PCDHA6: variants seen among roughly 807,000 people sequenced by gnomAD.
The protein encoded by PCDHA6 is protocadherin alpha-6.
A neutral mutation model predicts 60.3 loss-of-function variants in PCDHA6; 55 were observed. The ratio of observed to expected loss-of-function variants is 0.91; its 90% confidence interval spans 0.73 to 1.14. The LOEUF is 1.14. Ranked by LOEUF, PCDHA6 falls within the 50% of genes most tolerant of loss-of-function variation. The pLI is 0.00. For missense variants in PCDHA6, 1,327 were observed against 1,256.5 expected (o/e 1.06, Z -0.85); for synonymous variants, 652 against 557.9 (o/e 1.17, Z -2.38).
intron 1 of PCDHA6, chr5:140,843,679 C>A (rs2150364894): frequency 1.3e-6 from 2 of 1,589,886 alleles, no homozygotes; most frequent in African/African-American, 1.3e-5. Context: ...TTGATGTAGG[C>A]GAAGAGCAAG....
intron 1 of PCDHA6, chr5:140,884,516 T>C: frequency 6.2e-7 from 1 of 1,613,960 alleles, no homozygotes; most frequent in South Asian, 1.1e-5. Context: ...GAGTTGGTCG[T>C]ACTCGCAGCA....
intron 1 of PCDHA6, chr5:140,870,710 CGCGCGATGCGG>C (rs1554164626): frequency 1.2e-6 from 2 of 1,612,974 alleles, no homozygotes; most frequent in African/African-American, 2.7e-5. Context: ...CAGGTGAGCG[CGCGCGATGCGG>C]GCGTGCCGCC....
intron 1 of PCDHA6, chr5:140,877,442 C>A: frequency 6.2e-7 from 1 of 1,613,858 alleles, no homozygotes; most frequent in South Asian, 1.1e-5. Flanking sequence ...CACGGTGAGC[C>A]CGCGCTGACG....
At chr5:140,863,748 C>T (rs1221413981) in intron 1 of PCDHA6, 2 of 241,286 alleles carry the variant, frequency 8.3e-6, no homozygotes, top group South Asian at 5.4e-5. Flanking sequence ...TTTGTAATCC[C>T]GGCACTTTGG....
chr5:140,933,653 GTCTC>G (rs1245688430), intron 1 of PCDHA6, among the ~76,000 whole-genome samples: 3 of 151,982 alleles, frequency 2.0e-5, no homozygotes, highest in East Asian at 1.9e-4. Context: ...TGGAAATCCT[GTCTC>G]TCTCTCTGTC....
intron 1 of PCDHA6, chr5:140,927,565 G>A: frequency 6.2e-7 from 1 of 1,614,186 alleles, no homozygotes; most frequent in Non-Finnish European, 8.5e-7. Context: ...CATTGTGGTG[G>A]ACACAAATGA....
chr5:140,951,365 A>G (rs987513388), intron 1 of PCDHA6, among the ~76,000 whole-genome samples: 17 of 152,160 alleles, frequency 1.1e-4, no homozygotes, highest in African/African-American at 4.1e-4. Context: ...ACTGTTATAA[A>G]GAAACACCCA....
At chr5:140,858,419 G>C (rs2045401110) in intron 1 of PCDHA6, 1 of 1,559,254 alleles carries the variant, frequency 6.4e-7, no homozygotes. Flanking sequence ...GTCTATTGGA[G>C]GGGACCACTC....
At chr5:140,992,897 T>G (rs2097532683) in intron 3 of PCDHA6, among the ~76,000 whole-genome samples, 2 of 152,156 alleles carry the variant, frequency 1.3e-5, no homozygotes, top group Admixed American at 1.3e-4. Flanking sequence ...GCTGGATATC[T>G]CCAAAGCTTA....
intron 3 of PCDHA6, among the ~76,000 whole-genome samples, chr5:140,995,470 T>C (rs543327839): frequency 5.6e-4 from 86 of 152,360 alleles, no homozygotes; most frequent in Middle Eastern, 3.4e-3. Flanking sequence ...TTGAAATTTT[T>C]CATTTAATAT....
chr5:140,928,903 T>C, intron 1 of PCDHA6: 1 of 1,614,190 alleles, frequency 6.2e-7, no homozygotes, highest in Non-Finnish European at 8.5e-7. Flanking sequence ...TGAAGATGTC[T>C]GGGAACCAGG....
chr5:140,875,401 G>T, intron 1 of PCDHA6: 1 of 1,487,486 alleles, frequency 6.7e-7, no homozygotes, highest in Non-Finnish European at 8.9e-7. Context: ...AAGGGTGACT[G>T]CTCATAAAAT....
intron 3 of PCDHA6, among the ~76,000 whole-genome samples, chr5:141,000,691 G>A (rs1177204689): frequency 3.3e-5 from 5 of 151,460 alleles, no homozygotes; most frequent in African/African-American, 1.2e-4. Flanking sequence ...GCCTCCCAAA[G>A]TGCTGGGATT....
chr5:140,940,468 C>A (rs2092618066), intron 1 of PCDHA6, among the ~76,000 whole-genome samples: 1 of 151,866 alleles, frequency 6.6e-6, no homozygotes, highest in African/African-American at 2.4e-5. Flanking sequence ...CTGTTCCCTG[C>A]AATTTTTTTT....
chr5:140,908,351 AACTT>A (rs1422870011), intron 1 of PCDHA6, among the ~76,000 whole-genome samples: 5 of 152,154 alleles, frequency 3.3e-5, no homozygotes, highest in African/African-American at 1.2e-4. Context: ...TACCTCATGT[AACTT>A]ACTTGTGCCT....
chr5:140,849,846 A>T, intron 1 of PCDHA6: 5 of 1,598,504 alleles, frequency 3.1e-6, no homozygotes, highest in Non-Finnish European at 4.3e-6. Flanking sequence ...CGTGAACGAC[A>T]ACGCACCAGC....
intron 2 of PCDHA6, among the ~76,000 whole-genome samples, chr5:140,980,036 G>T (rs952735379): frequency 6.6e-6 from 1 of 152,176 alleles, no homozygotes; most frequent in African/African-American, 2.4e-5. Context: ...ATTACATTGG[G>T]TGCTATTTCT....
At position 140,832,275 on chromosome 5, in the gene PCDHA6, A is replaced by G. The variant is rs2150200639; in HGVS notation, c.2394+1790A>G. Among the ~76,000 whole-genome samples the G allele has an allele frequency of 2.6e-5, 4 of 152,332 alleles. No individual in the cohort carries two copies. In the East Asian group the frequency reaches 7.7e-4, roughly 29 times the overall value. On this transcript the variant is annotated intron_variant, in intron 1 of 3. Coordinates refer to ENST00000529310, the MANE Select transcript of PCDHA6 (RefSeq NM_018909.4). The stretch of plus-strand genomic sequence containing the variant: ...TTCCCAGGAAATATTAGACTACATT[A>G]AGCATGAATGGTGTATTTGCCCACA...
At chr5:140,863,193 G>A (rs1271562908) in intron 1 of PCDHA6, 15 of 840,280 alleles carry the variant, frequency 1.8e-5, no homozygotes, top group Non-Finnish European at 2.3e-5. Context: ...CCGTGGTGGC[G>A]TCGCTGGCGG....
Sources: gnomAD v4.1 joint callset for allele counts (sites outside exome capture counted in the v4.1 genomes callset) on GRCh38, gnomAD v4.1.1 for gene constraint, MANE v1.5 for transcripts, NCBI Gene and HGNC (gene_info 2026-07-23, HGNC 2026-07-21) for gene names.